CADM1: variants seen among roughly 807,000 people sequenced by gnomAD.
CADM1 encodes the protein TSLC-1.
Under a neutral mutation model 53.1 loss-of-function variants are expected in CADM1, and 15 were observed. The observed-to-expected ratio is 0.28, with a 90% CI of 0.19 to 0.44. The LOEUF (loss-of-function observed/expected upper bound fraction) is 0.44, where lower values mean the gene tolerates loss of function less well. CADM1 is among the 20% of genes least tolerant of loss of function. The pLI is 1.00. For missense variants in CADM1, 434 were observed against 611.3 expected (o/e 0.71, Z 3.06); for synonymous variants, 281 against 243.0 (o/e 1.16, Z -1.45).
intron 1 of CADM1, among the ~76,000 whole-genome samples, chr11:115,474,076 T>C (rs1257654740): frequency 6.6e-6 from 1 of 151,626 alleles, no homozygotes; most frequent in Non-Finnish European, 1.5e-5. Flanking sequence ...GGGCGGATCA[T>C]GGGGTCAGGA....
chr11:115,357,388 T>C (rs1945904608), intron 1 of CADM1, among the ~76,000 whole-genome samples: 4 of 152,150 alleles, frequency 2.6e-5, no homozygotes, highest in Admixed American at 2.6e-4. Flanking sequence ...GAAGTTCCCA[T>C]TGTGTTGAAA....
At chr11:115,287,482 C>T (rs961945681) in intron 1 of CADM1, 1 of 152,220 alleles carries the variant, frequency 6.6e-6, no homozygotes, top group African/African-American at 2.4e-5. Flanking sequence ...TGCTGCTTCT[C>T]CAGCGCACTC....
At chr11:115,351,382 A>C (rs930493890) in intron 1 of CADM1, among the ~76,000 whole-genome samples, 1 of 152,236 alleles carries the variant, frequency 6.6e-6, no homozygotes, top group African/African-American at 2.4e-5. Flanking sequence ...TTCACAACAG[A>C]TAGGCAGTTG....
intron 1 of CADM1, among the ~76,000 whole-genome samples, chr11:115,374,627 T>A (rs1364168312): frequency 6.6e-6 from 1 of 152,156 alleles, no homozygotes; most frequent in Non-Finnish European, 1.5e-5. Context: ...ACCTATGAAG[T>A]ATTCTTACCC....
rs1555043883 is a variant in CADM1 at position 115,223,973 on chromosome 11, A to AAG, written c.721+5138_721+5139dup. Among the ~76,000 whole-genome samples, 116 of 92,480 alleles carry AAG rather than the reference A, an allele frequency of 1.3e-3. 3 individuals carry two copies. The highest frequency in any genetic ancestry group is 3.8e-3 in the East Asian group (11 of 2,910). The allele number at this position is 92,480 out of a possible 152,430, so 60.7% of individuals were successfully genotyped here. On this transcript the variant is annotated intron_variant, in intron 5 of 11. Coordinates refer to ENST00000331581, the MANE Select transcript of CADM1 (RefSeq NM_001301043.2). The stretch of plus-strand genomic sequence containing the variant: ...GTATTCCGTTTAAAAAAAAAAAAAA[A>AAG]AGAGAGAGAGAGAGAGAGAGAGACT...
chr11:115,237,879 G>C lies in CADM1; in HGVS notation c.424+621C>G, dbSNP rs184065493. On this transcript the variant is annotated intron_variant, in intron 3 of 11. Coordinates refer to ENST00000331581, the MANE Select transcript of CADM1 (RefSeq NM_001301043.2). ...AAATGAAGACACTCAGCTCACTGGA[G>C]GTGTACCTAGCAGCCCGTCAACAGT... Among the ~76,000 whole-genome samples, 60 of 152,298 alleles carry C rather than the reference G, an allele frequency of 3.9e-4. 2 individuals carry two copies. The highest frequency in any genetic ancestry group is 3.5e-3 in the Admixed American group (54 of 15,290).
chr11:115,207,516 GA>G (rs1940754008), intron 8 of CADM1, among the ~76,000 whole-genome samples: 1 of 150,988 alleles, frequency 6.6e-6, no homozygotes, highest in Non-Finnish European at 1.5e-5. Context: ...GCTGTGAACT[GA>G]AGCGACTCTG....
chr11:115,197,863 T>A (rs1044763409), intron 9 of CADM1, among the ~76,000 whole-genome samples: 28 of 152,128 alleles, frequency 1.8e-4, no homozygotes, highest in African/African-American at 6.5e-4. Context: ...GTACATATGA[T>A]TAGCAACATA....
rs917406187 is a variant in CADM1, at chr11:115,169,358, A to ATAAACT, written c.*7110_*7115dup. 7 of 314,406 alleles carry ATAAACT rather than the reference A, an allele frequency of 2.2e-5. No individual in the cohort carries two copies. Among genetic ancestry groups the ATAAACT allele is most frequent in the Non-Finnish European group, 3.8e-5 (6 of 158,644 alleles). 19.5% of individuals were successfully genotyped at this position (314,406 alleles called of 1,614,324 possible). On this transcript the variant is annotated 3_prime_UTR_variant, in exon 12 of 12. Transcript: ENST00000331581. ...TCTGCAAGGAAATCTATTATTTTCC[A>ATAAACT]TAAACTGTCTTAAGCATCTCCCGGG...
chr11:115,257,499 C>T (rs1022631660), intron 1 of CADM1, among the ~76,000 whole-genome samples: 2 of 152,172 alleles, frequency 1.3e-5, no homozygotes, highest in Admixed American at 6.5e-5. Flanking sequence ...GAACCTTAAC[C>T]TTTAGAATGC....
At chr11:115,263,593 A>G (rs1375986218) in intron 1 of CADM1, among the ~76,000 whole-genome samples, 3 of 152,182 alleles carry the variant, frequency 2.0e-5, no homozygotes, top group Admixed American at 2.0e-4. Context: ...TAATTTAATT[A>G]TATCAGTATG....
intron 1 of CADM1, among the ~76,000 whole-genome samples, chr11:115,427,868 G>A (rs781471158): frequency 6.6e-6 from 1 of 151,574 alleles, no homozygotes; most frequent in Non-Finnish European, 1.5e-5. Context: ...TTAGCCAGGC[G>A]TGGTGGCACA....
At chr11:115,429,433 T>C (rs170222) in intron 1 of CADM1, among the ~76,000 whole-genome samples, 152,077 of 152,086 alleles carry the variant, frequency 1, 76,034 homozygotes, top group Middle Eastern at 1. Context: ...GAAACCCCAT[T>C]TCTACTACAA....
intron 9 of CADM1, among the ~76,000 whole-genome samples, chr11:115,192,722 C>T (rs952572442): frequency 2.6e-5 from 4 of 152,008 alleles, no homozygotes; most frequent in South Asian, 2.1e-4. Context: ...CTTATTTCCT[C>T]GGGGAGGGCA....
At chr11:115,459,308 CCTAA>C (rs1168364014) in intron 1 of CADM1, among the ~76,000 whole-genome samples, 1 of 152,106 alleles carries the variant, frequency 6.6e-6, no homozygotes, top group African/African-American at 2.4e-5. Flanking sequence ...CAACAAAAGG[CCTAA>C]CTTTCACAAA....
At chr11:115,357,271 G>A (rs1945900311) in intron 1 of CADM1, among the ~76,000 whole-genome samples, 1 of 152,190 alleles carries the variant, frequency 6.6e-6, no homozygotes, top group Admixed American at 6.5e-5. Context: ...AGAGCCACGT[G>A]TAGGAAAACA....
chr11:115,371,589 A>G (rs999730851), intron 1 of CADM1, among the ~76,000 whole-genome samples: 1 of 152,194 alleles, frequency 6.6e-6, no homozygotes, highest in Non-Finnish European at 1.5e-5. Flanking sequence ...AGAACATTAA[A>G]AGTAAATGAT....
chr11:115,462,701 G>A (rs1224263445), intron 1 of CADM1, among the ~76,000 whole-genome samples: 1 of 152,206 alleles, frequency 6.6e-6, no homozygotes, highest in Non-Finnish European at 1.5e-5. Context: ...AACGAGGTAA[G>A]GGTTATAATC....
chr11:115,428,194 A>T (rs2135287973), intron 1 of CADM1, among the ~76,000 whole-genome samples: 1 of 152,252 alleles, frequency 6.6e-6, no homozygotes. Flanking sequence ...AAAACGTATC[A>T]TTAGATTGTA....
Sources: gnomAD v4.1 joint callset for allele counts (sites outside exome capture counted in the v4.1 genomes callset) on GRCh38, gnomAD v4.1.1 for gene constraint, MANE v1.5 for transcripts, NCBI Gene and HGNC (gene_info 2026-07-23, HGNC 2026-07-21) for gene names.